The following BAHCC1 variants were observed in gnomAD, a reference collection of about 807,000 sequenced individuals.
The protein encoded by BAHCC1 is BAH domain and coiled-coil containing 1, also known as BAH and coiled-coil domain-containing protein 1.
In BAHCC1, 43 loss-of-function variants were observed where a neutral mutation model predicts 88.2. That is an observed-to-expected ratio of 0.49 (90% CI 0.38 to 0.63). BAHCC1 has a LOEUF of 0.63. Ranked by LOEUF, BAHCC1 falls within the 20% of genes least tolerant of loss-of-function variation. The pLI is 0.00. For missense variants in BAHCC1, 3,023 were observed against 1,654.8 expected (o/e 1.83, Z -14.34); for synonymous variants, 1,510 against 745.5 (o/e 2.03, Z -16.71).
rs2143648904 is a variant in BAHCC1, at chr17:81,459,580, C to T, written c.5881C>T (p.Leu1961=). 1.3e-6 allele frequency: 1 copy of T among 779,730 alleles called. No homozygotes were observed. The highest frequency in any genetic ancestry group is 2.4e-6 in the Non-Finnish European group (1 of 417,920). The allele number at this position is 779,730 out of a possible 1,614,324, so 48.3% of individuals were successfully genotyped here. Residue 1961 remains leucine, a synonymous_variant, in exon 23 of 28, where the codon CTG becomes TTG. Coordinates refer to ENST00000675386, the MANE Select transcript of BAHCC1 (RefSeq NM_001377448.1). ...CAYWSQKSRC[L]YPGNVVRGAS... The stretch of plus-strand genomic sequence containing the variant: ...CTACTGGAGTCAGAAGTCTCGATGT[C>T]TGTACCCGGGCAACGTGGTCCGGGG...
intron 10 of BAHCC1, among the ~76,000 whole-genome samples, chr17:81,446,526 C>CTTTTTTTTTTT (rs869297780): frequency 4.1e-5 from 2 of 49,224 alleles, no homozygotes; most frequent in African/African-American, 8.9e-5. Flanking sequence ...CTGCTCACAC[C>CTTTTTTTTTTT]TTTTTTTTTT....
chr17:81,444,104 T>C (rs2064476519), intron 6 of BAHCC1, 187 bp downstream of exon 6: 1 of 606,204 alleles, frequency 1.6e-6, no homozygotes, highest in African/African-American at 1.9e-5. Context: ...GGGTCTCAGT[T>C]AACCCCTTGC....
At chr17:81,448,125 C>T (rs1360539400) in intron 11 of BAHCC1, among the ~76,000 whole-genome samples, 1 of 152,190 alleles carries the variant, frequency 6.6e-6, no homozygotes. Flanking sequence ...CGGGCAGCAC[C>T]TCCTGTTGGA....
rs368080799 is a variant in BAHCC1 at position 81,442,566 on chromosome 17, G to C, written c.1217G>C (p.Arg406Pro). Reference sequence around the variant, plus strand: ...GTGGGACACCTGGCCGACAAGGGCCGCCCCTTCCAGGCCGCCGAGGCCTGT... The same window carrying C: ...GTGGGACACCTGGCCGACAAGGGCCCCCCCTTCCAGGCCGCCGAGGCCTGT... ...PSVGHLADKG[R>P]PFQAAEACAV... The change falls in exon 5 of 28, where the codon CGC becomes CCC. Residue 406 changes from arginine (R) to proline (P), a missense_variant. Physicochemically the swap from Arg to Pro is moderately radical, Grantham distance 103. Transcript: ENST00000675386. 1 of 756,044 alleles carries C rather than the reference G, an allele frequency of 1.3e-6. No homozygotes were observed. The highest frequency in any genetic ancestry group is 2.5e-6 in the Non-Finnish European group (1 of 406,130). The allele number at this position is 756,044 out of a possible 1,614,324, so 46.8% of individuals were successfully genotyped here. A position where few individuals can be genotyped will look rare whatever the true frequency, so the allele number is the denominator to read the frequency against.
chr17:81,446,526 CTTTTTTTTTTTTTTTTTTTTTT>C (rs869297780), intron 10 of BAHCC1, among the ~76,000 whole-genome samples: 3 of 49,224 alleles, frequency 6.1e-5, no homozygotes, highest in South Asian at 9.7e-4. Context: ...CTGCTCACAC[CTTTTTTTTTTTTTTTTTTTTTT>C]TTTTTTTTTT....
intron 11 of BAHCC1, among the ~76,000 whole-genome samples, chr17:81,448,860 TG>T (rs782648407): frequency 1.3e-5 from 2 of 151,570 alleles, no homozygotes; most frequent in Non-Finnish European, 3.0e-5. Flanking sequence ...CCTACCAGGG[TG>T]GGCTCCACCT....
chr17:81,430,701 C>G (rs2064250431), intron 3 of BAHCC1, among the ~76,000 whole-genome samples: 3 of 152,200 alleles, frequency 2.0e-5, no homozygotes, highest in African/African-American at 7.2e-5. Flanking sequence ...GGCCCCAGCT[C>G]CATCCTTCCT....
At position 81,399,660 on chromosome 17, in the gene BAHCC1, C is replaced by T; in HGVS notation, c.-80C>T. The T allele has an allele frequency of 1.1e-6, 1 of 909,096 alleles. No homozygotes were observed. Among genetic ancestry groups the T allele is most frequent in the Non-Finnish European group, 1.3e-6 (1 of 758,636 alleles). 56.3% of individuals were successfully genotyped at this position (909,096 alleles called of 1,614,324 possible). A position where few individuals can be genotyped will look rare whatever the true frequency, so the allele number is the denominator to read the frequency against. On this transcript the variant is annotated 5_prime_UTR_variant, in exon 2 of 28. Transcript: ENST00000675386. This position sits in a 1 kb window ranked among gnomAD's most constrained non-coding sequence, Gnocchi z 4.5. ...GACCCCGGACGCCGCCGCCTCTGCG[C>T]CGCCCGCGCGCCGAGCCGCCCCCGG...
At chr17:81,452,151 C>T (rs2064650693) in intron 13 of BAHCC1, 44 bp downstream of exon 13, 1 of 234,018 alleles carries the variant, frequency 4.3e-6, no homozygotes, top group South Asian at 4.7e-5. Flanking sequence ...TCGCAGCACC[C>T]CCACCCCCGG....
rs1189777686 is a variant in BAHCC1, at chr17:81,465,254, T to C, written c.*1437T>C. The C allele has an allele frequency of 6.6e-6, 1 of 152,256 alleles. No homozygotes were observed. The highest frequency in any genetic ancestry group is 2.4e-5 in the African/African-American group (1 of 41,458). 9.4% of individuals were successfully genotyped at this position (152,256 alleles called of 1,614,324 possible). On this transcript the variant is annotated 3_prime_UTR_variant, in exon 28 of 28. Coordinates refer to ENST00000675386, the MANE Select transcript of BAHCC1 (RefSeq NM_001377448.1). ...CTGCCCCAACCCCTTTGGAGGTTTCTCGGCCTTTTCTGTGCCACTTGGTGG... is the reference window on the plus strand; with the variant it reads ...CTGCCCCAACCCCTTTGGAGGTTTCCCGGCCTTTTCTGTGCCACTTGGTGG...
intron 3 of BAHCC1, among the ~76,000 whole-genome samples, chr17:81,437,659 G>A (rs775347005): frequency 1.3e-5 from 2 of 152,218 alleles, no homozygotes; most frequent in Non-Finnish European, 2.9e-5. Context: ...GGGGCAGGCC[G>A]CTCAGAAATG....
Position 81,412,976 on chromosome 17 carries a change from G to A in BAHCC1, c.178+13059G>A, listed in dbSNP as rs190534395. The A allele has an allele frequency of 3.9e-5, 11 of 280,736 alleles. No individual in the cohort carries two copies. In the East Asian group the frequency reaches 1.4e-3, roughly 36 times the overall value. The allele number at this position is 280,736 out of a possible 1,614,324, so 17.4% of individuals were successfully genotyped here. ...AGAGCGCAGGACGGAAGCTCGGTGC[G>A]GGTGCGGCCTCACCTTGCGGGGGCA... On this transcript the variant is annotated intron_variant, in intron 2 of 27. Coordinates refer to ENST00000675386, the MANE Select transcript of BAHCC1 (RefSeq NM_001377448.1).
At chr17:81,420,899 C>T (rs1433897908) in intron 2 of BAHCC1, among the ~76,000 whole-genome samples, 1 of 152,238 alleles carries the variant, frequency 6.6e-6, no homozygotes, top group Non-Finnish European at 1.5e-5. Flanking sequence ...GCCAGGGTGC[C>T]CTGACCATGC....
At chr17:81,418,889 C>T (rs1316289982) in intron 2 of BAHCC1, among the ~76,000 whole-genome samples, 5 of 151,814 alleles carry the variant, frequency 3.3e-5, no homozygotes, top group African/African-American at 7.3e-5. Flanking sequence ...CCCATAGTCA[C>T]GTGCATATGC....
intron 2 of BAHCC1, among the ~76,000 whole-genome samples, chr17:81,413,821 T>C (rs1350691595): frequency 3.3e-5 from 5 of 152,218 alleles, no homozygotes; most frequent in Admixed American, 6.5e-5. Flanking sequence ...CTTCTCTGGA[T>C]GGGGCGCAGG....
rs1555658346 is a variant in BAHCC1 at position 81,458,940 on chromosome 17, C to A, written c.5576C>A (p.Pro1859His). ...GAGGAAGAGGAGGAGGACAGCGGCCCTCTGAGCGCAGAGCAGAGCGCCGCC... is the reference window on the plus strand; with the variant it reads ...GAGGAAGAGGAGGAGGACAGCGGCCATCTGAGCGCAGAGCAGAGCGCCGCC... Reference protein sequence around the residue: ...DEEEEEEDSGPLSAEQSAALA... With the variant: ...DEEEEEEDSGHLSAEQSAALA... Residue 1859 changes from proline (P) to histidine (H), a missense_variant, in exon 20 of 28, where the codon CCT becomes CAT. Transcript: ENST00000675386. The A allele has an allele frequency of 2.6e-6, 2 of 758,182 alleles. No individual in the cohort carries two copies. Among genetic ancestry groups the A allele is most frequent in the African/African-American group, 1.7e-5 (1 of 58,796 alleles). 47.0% of individuals were successfully genotyped at this position (758,182 alleles called of 1,614,324 possible).
rs1555644768 is a variant in BAHCC1 at position 81,395,574 on chromosome 17, AC to A, written c.-267del. On this transcript the variant is annotated 5_prime_UTR_variant, in exon 1 of 28. The change creates a premature stop within an existing upstream ORF in the 5' untranslated region. Coordinates refer to ENST00000675386, the MANE Select transcript of BAHCC1 (RefSeq NM_001377448.1). ...TTGAAAATACCAATAGGAATACAAA[AC>A]AAAGTCACATTTACTGATTTAATTG... The A allele has an allele frequency of 5.3e-5, 8 of 152,200 alleles. No homozygotes were observed. The highest frequency in any genetic ancestry group is 1.2e-4 in the Non-Finnish European group (8 of 68,040). The allele number at this position is 152,200 out of a possible 1,614,324, so 9.4% of individuals were successfully genotyped here. A position where few individuals can be genotyped will look rare whatever the true frequency, so the allele number is the denominator to read the frequency against.
At chr17:81,406,891 C>G (rs1384392957) in intron 2 of BAHCC1, 2 of 456,200 alleles carry the variant, frequency 4.4e-6, no homozygotes, top group Non-Finnish European at 8.8e-6. Context: ...GGCTGGCATG[C>G]TGCAGCTGTC....
At chr17:81,433,236 C>T (rs2143453617) in intron 3 of BAHCC1, among the ~76,000 whole-genome samples, 1 of 152,212 alleles carries the variant, frequency 6.6e-6, no homozygotes, top group Middle Eastern at 3.4e-3. Flanking sequence ...CACTCATGTC[C>T]CGGGAGCTGC....
Sources: gnomAD v4.1 joint callset for allele counts (sites outside exome capture counted in the v4.1 genomes callset) on GRCh38, gnomAD v4.1.1 for gene constraint, Gnocchi (gnomAD v3.1) non-coding constraint, MANE v1.5 for transcripts, NCBI Gene and HGNC (gene_info 2026-07-23, HGNC 2026-07-21) for gene names.